Variants in SH3TC1 observed in about 807,000 individuals in gnomAD.
SH3TC1 encodes the protein SH3 domain and tetratricopeptide repeats 1, also known as SH3 domain and tetratricopeptide repeat-containing protein 1.
In SH3TC1, 135 loss-of-function variants were observed where a neutral mutation model predicts 117.3. The observed-to-expected ratio is 1.15, with a 90% confidence interval of 1.00 to 1.33. The LOEUF is 1.33. Ranked by LOEUF, SH3TC1 falls within the 40% of genes most tolerant of loss-of-function variation. SH3TC1 has a pLI of 0.00. For missense variants in SH3TC1, 2,092 were observed against 1,794.3 expected (o/e 1.17, Z -3.00); for synonymous variants, 898 against 816.9 (o/e 1.10, Z -1.69).
At chr4:8,193,470 C>T (rs1717474898) in intron 1 of SH3TC1, among the ~76,000 whole-genome samples, 1 of 152,182 alleles carries the variant, frequency 6.6e-6, no homozygotes, top group Non-Finnish European at 1.5e-5. Flanking sequence ...ACCCTTTACG[C>T]CCCTGCTTTG....
intron 12 of SH3TC1, among the ~76,000 whole-genome samples, chr4:8,229,898 A>G (rs6842156): frequency 0.12 from 17,238 of 148,832 alleles, 1,193 homozygotes; most frequent in African/African-American, 0.2. Context: ...CCAGGGAACG[A>G]GGATCATGCT....
Position 8,183,229 on chromosome 4 carries a change from C to G in SH3TC1, c.-57+1019C>G, listed in dbSNP as rs930550093. On this transcript the variant is annotated intron_variant, in intron 1 of 16. Coordinates refer to the SH3TC1 transcript ENST00000508641. This position sits in a 1 kb window ranked among gnomAD's most constrained non-coding sequence, Gnocchi z 5.4. ...GAGTTCTGTTCACTACGAAGGAGCCCGTCCTCATCCTCCCCCTCGTTTACA... is the reference window on the plus strand; with the variant it reads ...GAGTTCTGTTCACTACGAAGGAGCCGGTCCTCATCCTCCCCCTCGTTTACA... Among the ~76,000 whole-genome samples, 2 of 152,342 alleles carry G rather than the reference C, an allele frequency of 1.3e-5. No homozygotes were observed. The highest frequency in any genetic ancestry group is 6.5e-5 in the Admixed American group (1 of 15,304).
chr4:8,217,031 CA>C lies in SH3TC1; in HGVS notation c.704del (p.Gln235ArgfsTer41), dbSNP rs752332322. 6.2e-7 allele frequency: 1 copy of C among 1,613,646 alleles called. No individual in the cohort carries two copies. The highest frequency in any genetic ancestry group is 8.5e-7 in the Non-Finnish European group (1 of 1,179,792). ...TGPRDAGNGPQALRQASGAPQ... is the reference protein window; with the variant it reads ...TGPRDAGNGPXALRQASGAPQ... ...TCCCCGGGATGCAGGAAATGGCCCC[CA>C]GGCCCTCAGGCAGGCTTCGGGGGCA... is the stretch of plus-strand genomic sequence containing the variant. On this transcript the variant is annotated frameshift_variant, in exon 7 of 18. Transcript: ENST00000245105. LOFTEE classifies it high-confidence loss of function.
At chr4:8,226,479 A>G (rs1312179315) in intron 11 of SH3TC1, among the ~76,000 whole-genome samples, 1 of 152,204 alleles carries the variant, frequency 6.6e-6, no homozygotes, top group African/African-American at 2.4e-5. Context: ...CCAATTTTGC[A>G]TAGCAGCTTT....
intron 12 of SH3TC1, chr4:8,229,073 G>C (rs1165442576): frequency 1.7e-5 from 3 of 172,278 alleles, no homozygotes; most frequent in Non-Finnish European, 2.5e-5. Context: ...CTGTGCACCT[G>C]TCATCCCACT....
chr4:8,201,544 C>T, intron 1 of SH3TC1: 1 of 152,630 alleles, frequency 6.6e-6, no homozygotes, highest in Non-Finnish European at 1.5e-5. Flanking sequence ...GGTCCCCCAG[C>T]TGGGTGAGCT....
chr4:8,198,802 C>T (rs566268602), upstream of SH3TC1, among the ~76,000 whole-genome samples: 6 of 152,210 alleles, frequency 3.9e-5, no homozygotes, highest in South Asian at 2.1e-4. Context: ...AGAAATTGCA[C>T]GTGAGCGTTT....
intron 17 of SH3TC1, among the ~76,000 whole-genome samples, chr4:8,239,004 G>T (rs1722079061): frequency 1.3e-5 from 2 of 152,226 alleles, no homozygotes; most frequent in Non-Finnish European, 2.9e-5. Flanking sequence ...AGAGGTGCCG[G>T]ATCCAGGGCC....
upstream of SH3TC1, among the ~76,000 whole-genome samples, chr4:8,197,218 C>A (rs1222328208): frequency 1.3e-5 from 2 of 152,112 alleles, no homozygotes; most frequent in African/African-American, 4.8e-5. Flanking sequence ...TACCTGGAGC[C>A]CCAGAGGCTG....
Position 8,210,499 on chromosome 4 carries a change from C to T in SH3TC1, c.247+677C>T, listed in dbSNP as rs1362303769. Among the ~76,000 whole-genome samples, 3 of 152,170 alleles carry T rather than the reference C, an allele frequency of 2.0e-5. No homozygotes were observed. The highest frequency in any genetic ancestry group is 6.5e-5 in the Admixed American group (1 of 15,286). ...AGAATTTGAAAATGCAGGCTGGGCG[C>T]GGTGGCTCACGCCTGTAATCCCAGC... is the stretch of plus-strand genomic sequence containing the variant. On this transcript the variant is annotated intron_variant, in intron 3 of 17. Coordinates refer to ENST00000245105, the MANE Select transcript of SH3TC1 (RefSeq NM_018986.5). This position sits in a 1 kb window ranked among gnomAD's most constrained non-coding sequence, Gnocchi z 4.1.
intron 1 of SH3TC1, among the ~76,000 whole-genome samples, chr4:8,200,149 G>T (rs776671399): frequency 1.2e-4 from 18 of 152,260 alleles, no homozygotes; most frequent in African/African-American, 1.7e-4. Context: ...GCAAAGTGAC[G>T]CTGGGGGGTG....
chr4:8,216,451 C>T (rs1278302152), intron 6 of SH3TC1, among the ~76,000 whole-genome samples, 194 bp downstream of exon 6: 23 of 152,212 alleles, frequency 1.5e-4, no homozygotes, highest in African/African-American at 2.9e-4. Context: ...AGACCCTGGC[C>T]AGCCCCCAGG....
rs753887862 is a variant in SH3TC1 at position 8,228,023 on chromosome 4, A to G, written c.2329A>G (p.Thr777Ala). ...CCTCAGGCAAGCGCTGGCCTCCCTG[A>G]CCCCGGGCACAGGCCAGGCGCTGCG... ...HYLRQALASLTPGTGQALRGP... is the reference protein window; with the variant it reads ...HYLRQALASLAPGTGQALRGP... Residue 777 changes from threonine (T) to alanine (A), a missense_variant, in exon 12 of 18, where the codon ACC becomes GCC. Transcript: ENST00000245105. 6.2e-7 allele frequency: 1 copy of G among 1,610,538 alleles called. No individual in the cohort carries two copies. Among genetic ancestry groups the G allele is most frequent in the Non-Finnish European group, 8.5e-7 (1 of 1,178,638 alleles).
chr4:8,185,837 G>A (rs1717203521), intron 1 of SH3TC1, among the ~76,000 whole-genome samples: 1 of 152,178 alleles, frequency 6.6e-6, no homozygotes, highest in Admixed American at 6.5e-5. Flanking sequence ...GGGGTTGCTG[G>A]GCAAAGGGTC....
At chr4:8,224,608 C>A (rs1241713350) in intron 10 of SH3TC1, 2 of 153,320 alleles carry the variant, frequency 1.3e-5, no homozygotes, top group African/African-American at 4.8e-5. Flanking sequence ...CTATTTCTCA[C>A]TTGACCTCCA....
rs747609638 is a variant in SH3TC1, at chr4:8,233,499, G to C, written c.3268G>C (p.Asp1090His). 1.9e-6 allele frequency: 3 copies of C among 1,611,324 alleles called. No homozygotes were observed. The highest frequency in any genetic ancestry group is 2.5e-6 in the Non-Finnish European group (3 of 1,178,780). The change falls in exon 14 of 18, where the codon GAC becomes CAC. Residue 1090 changes from aspartate (D) to histidine (H), a missense_variant. Asp to His is a moderately conservative substitution (Grantham distance 81). Coordinates refer to ENST00000245105, the MANE Select transcript of SH3TC1 (RefSeq NM_018986.5). ...YYILRQSELV[D>H]LYIQVAQNVA... is the part of the protein sequence containing the mutation. ...CATCTTGCGGCAGAGCGAGCTGGTG[G>C]ACCTCTACATCCAGGTGAGTGATGA...
At position 8,228,179 on chromosome 4, in the gene SH3TC1, G is replaced by A. The variant is rs1312734950; in HGVS notation, c.2485G>A (p.Val829Met). The change falls in exon 12 of 18, where the codon GTG becomes ATG. Residue 829 changes from valine to methionine, a missense_variant. Val to Met is a conservative substitution (Grantham distance 21, BLOSUM62 1). Transcript: ENST00000245105. ...AGTCCGTGCCATCGTGGACCACCTG[G>A]TGGCCCTGGCCTGGCTGCACGTGCT... ...AGVRAIVDHL[V>M]ALAWLHVLHG... is the part of the protein sequence containing the mutation. 4 of 1,611,144 alleles carry A rather than the reference G, an allele frequency of 2.5e-6. No individual in the cohort carries two copies. Among genetic ancestry groups the A allele is most frequent in the Non-Finnish European group, 3.4e-6 (4 of 1,178,722 alleles).
At position 8,183,213 on chromosome 4, in the gene SH3TC1, T is replaced by A. The variant is rs984554837; in HGVS notation, c.-57+1003T>A. ...AGCAGCAGCCCCAGGCGAGTTCTGT[T>A]CACTACGAAGGAGCCCGTCCTCATC... On this transcript the variant is annotated intron_variant, in intron 1 of 16. Coordinates refer to the SH3TC1 transcript ENST00000508641. This position sits in a 1 kb window ranked among gnomAD's most constrained non-coding sequence, Gnocchi z 5.4. Among the ~76,000 whole-genome samples, 1 of 152,126 alleles carries A rather than the reference T, an allele frequency of 6.6e-6. No individual in the cohort carries two copies. The highest frequency in any genetic ancestry group is 1.5e-5 in the Non-Finnish European group (1 of 68,016).
chr4:8,228,723 A>G, intron 12 of SH3TC1, 79 bp downstream of exon 12: 1 of 1,225,000 alleles, frequency 8.2e-7, no homozygotes, highest in Non-Finnish European at 1.1e-6. Context: ...ATTCAGACAC[A>G]AGCGGTGGTT....
Sources: gnomAD v4.1 joint callset for allele counts (sites outside exome capture counted in the v4.1 genomes callset) on GRCh38, gnomAD v4.1.1 for gene constraint, Gnocchi (gnomAD v3.1) non-coding constraint, MANE v1.5 for transcripts, NCBI Gene and HGNC (gene_info 2026-07-23, HGNC 2026-07-21) for gene names.